The following PLXNA2 variants were observed in gnomAD, a reference collection of about 807,000 sequenced individuals.
The protein encoded by PLXNA2 is plexin-A2.
A neutral mutation model predicts 193.5 loss-of-function variants in PLXNA2; 91 were observed. That is an observed-to-expected ratio of 0.47 (90% CI 0.40 to 0.56). The LOEUF is 0.56. Among genes scored for constraint, PLXNA2 ranks in the 20% least tolerant of loss-of-function variants. The pLI, the probability that PLXNA2 is intolerant of heterozygous loss-of-function variation, is 0.00. For missense variants in PLXNA2, 1,995 were observed against 2,503.2 expected, an observed-to-expected ratio of 0.80 and a Z score of 4.33; for synonymous variants, 997 against 1,027.3, an observed-to-expected ratio of 0.97 and a Z score of 0.56.
chr1:208,062,142 G>A (rs1665640904), intron 12 of PLXNA2, among the ~76,000 whole-genome samples: 1 of 152,274 alleles, frequency 6.6e-6, no homozygotes, highest in African/African-American at 2.4e-5. Flanking sequence ...CCTGGGCAGA[G>A]CCACAGCCTC....
Position 208,038,528 on chromosome 1 carries a change from C to A in PLXNA2, c.4661-54G>T. ...GCGTGAGAGGGATGAGGGCTGTGAG[C>A]CAGTGTCTCCCGATTGCACCTTCTC... On this transcript the variant is annotated intron_variant, in intron 25 of 31. Coordinates refer to ENST00000367033, the MANE Select transcript of PLXNA2 (RefSeq NM_025179.4). This position sits in a 1 kb window ranked among gnomAD's most constrained non-coding sequence, Gnocchi z 4.1. 1.4e-6 allele frequency: 2 copies of A among 1,387,940 alleles called. No homozygotes were observed. Among genetic ancestry groups the A allele is most frequent in the Non-Finnish European group, 2.1e-6 (2 of 974,312 alleles). The allele number at this position is 1,387,940 out of a possible 1,614,324, so 86.0% of individuals were successfully genotyped here.
chr1:208,105,215 A>G (rs570973286), intron 4 of PLXNA2, among the ~76,000 whole-genome samples: 1 of 152,328 alleles, frequency 6.6e-6, no homozygotes, highest in South Asian at 2.1e-4. Context: ...TATTTAGTCC[A>G]ATGAAGAGTC....
intron 3 of PLXNA2, among the ~76,000 whole-genome samples, chr1:208,190,752 A>G (rs1387257086): frequency 6.6e-6 from 1 of 152,258 alleles, no homozygotes; most frequent in African/African-American, 2.4e-5. Context: ...TGATGTAATT[A>G]ATACAGATAT....
chr1:208,197,790 G>A (rs539224974), intron 3 of PLXNA2, among the ~76,000 whole-genome samples: 62 of 152,298 alleles, frequency 4.1e-4, no homozygotes, highest in African/African-American at 1.4e-3. Flanking sequence ...ACCAACATTG[G>A]CTCTGGCATA....
At chr1:208,076,040 A>G (rs1666136164) in intron 12 of PLXNA2, among the ~76,000 whole-genome samples, 1 of 149,688 alleles carries the variant, frequency 6.7e-6, no homozygotes, top group Non-Finnish European at 1.5e-5. Context: ...CCTGGGCGAC[A>G]GAGTGAGACC....
At chr1:208,149,633 G>A (rs1668696513) in intron 3 of PLXNA2, among the ~76,000 whole-genome samples, 1 of 151,946 alleles carries the variant, frequency 6.6e-6, no homozygotes, top group South Asian at 2.1e-4. Flanking sequence ...AAGGTGGAGA[G>A]GGCCTGGTGC....
At chr1:208,104,104 T>G (rs1014535908) in intron 4 of PLXNA2, among the ~76,000 whole-genome samples, 11 of 152,234 alleles carry the variant, frequency 7.2e-5, no homozygotes, top group African/African-American at 2.7e-4. Context: ...AGGAGGCTGC[T>G]GGGCTGCAAA....
In PLXNA2 at chr1:208,188,923, C is replaced by G. The variant is rs544390479; in HGVS notation, c.1371+21357G>C. ...TCTTCTGTAGAGCAATGCTTATGTA[C>G]TCCAGCCCCAGATGGGCTGGATGTA... On this transcript the variant is annotated intron_variant, in intron 3 of 31. Transcript: ENST00000367033. 1.2e-4 allele frequency among the ~76,000 whole-genome samples: 19 copies of G among 152,212 alleles called. No individual in the cohort carries two copies. In the South Asian group the frequency reaches 3.9e-3, roughly 32 times the overall value.
chr1:208,143,039 C>T (rs908942440), intron 3 of PLXNA2, among the ~76,000 whole-genome samples: 1 of 152,228 alleles, frequency 6.6e-6, no homozygotes, highest in Non-Finnish European at 1.5e-5. Context: ...GGAATCCTGG[C>T]TTAGCCTCTC....
chr1:208,218,887 A>C (rs1671230943), intron 1 of PLXNA2, among the ~76,000 whole-genome samples: 1 of 152,236 alleles, frequency 6.6e-6, no homozygotes, highest in Non-Finnish European at 1.5e-5. Flanking sequence ...GCCAGGACAC[A>C]CAGAGAACCA....
chr1:208,158,451 G>A (rs982366565), intron 3 of PLXNA2, among the ~76,000 whole-genome samples: 9 of 152,058 alleles, frequency 5.9e-5, no homozygotes, highest in Non-Finnish European at 1.5e-5. Flanking sequence ...ATTTCCCCCT[G>A]TCTGCCCCAG....
intron 1 of PLXNA2, among the ~76,000 whole-genome samples, chr1:208,232,497 T>G (rs1029124880): frequency 1.3e-5 from 2 of 152,202 alleles, no homozygotes; most frequent in Non-Finnish European, 2.9e-5. Flanking sequence ...AGCTGTCTTG[T>G]TTTCTTTATT....
At chr1:208,197,858 G>C (rs959132368) in intron 3 of PLXNA2, among the ~76,000 whole-genome samples, 6 of 152,110 alleles carry the variant, frequency 3.9e-5, no homozygotes, top group African/African-American at 1.4e-4. Flanking sequence ...CCACAGCACT[G>C]GGTAGGAGAG....
intron 3 of PLXNA2, among the ~76,000 whole-genome samples, chr1:208,157,925 A>T (rs898359618): frequency 4.6e-5 from 7 of 152,252 alleles, no homozygotes; most frequent in African/African-American, 2.4e-5. Context: ...GCCACAGAGG[A>T]GACTCAAGAT....
At position 208,217,515 on chromosome 1, in the gene PLXNA2, G is replaced by C; in HGVS notation, c.408C>G (p.Val136=). ...LLACGSLYQG[V]CKLLRLDDLF... ...GGTCATCCAGCCGCAGCAGCTTGCA[G>C]ACCCCCTGGTAGAGGCTCCCACAGG... The change falls in exon 2 of 32, where the codon GTC becomes GTG. Residue 136 remains valine, a synonymous_variant. Coordinates refer to ENST00000367033, the MANE Select transcript of PLXNA2 (RefSeq NM_025179.4). The surrounding 1 kb of genome is among the most constrained non-coding windows in gnomAD (Gnocchi z 4.7). 6.2e-7 allele frequency: 1 copy of C among 1,614,206 alleles called. No homozygotes were observed. The highest frequency in any genetic ancestry group is 1.1e-5 in the South Asian group (1 of 91,080).
chr1:208,079,804 G>T (rs533663144), intron 11 of PLXNA2, among the ~76,000 whole-genome samples: 1 of 150,058 alleles, frequency 6.7e-6, no homozygotes, highest in Non-Finnish European at 1.5e-5. Flanking sequence ...TTTTTGTGAG[G>T]TTGGAATAAG....
chr1:208,069,683 G>T (rs933918184), intron 12 of PLXNA2, among the ~76,000 whole-genome samples: 1 of 152,154 alleles, frequency 6.6e-6, no homozygotes, highest in African/African-American at 2.4e-5. Flanking sequence ...CAGAGTAGGG[G>T]CTTATCGGGG....
chr1:208,096,935 A>G, intron 6 of PLXNA2, 52 bp from the exon 7 acceptor site: 1 of 1,562,050 alleles, frequency 6.4e-7, no homozygotes, highest in Non-Finnish European at 8.7e-7. Context: ...GGAGACCTGG[A>G]CTCCAGGTCC....
At chr1:208,123,501 G>GA (rs1667868828) in intron 4 of PLXNA2, among the ~76,000 whole-genome samples, 1 of 151,912 alleles carries the variant, frequency 6.6e-6, no homozygotes, top group Admixed American at 6.5e-5. Context: ...CACCTCTCAT[G>GA]AAAAAAAGAA....
Sources: allele counts gnomAD v4.1 joint callset (sites outside exome capture counted in the v4.1 genomes callset), GRCh38; gene constraint gnomAD v4.1.1; non-coding constraint Gnocchi (gnomAD v3.1); transcripts MANE v1.5; gene names NCBI Gene and HGNC (gene_info 2026-07-23, HGNC 2026-07-21).